Variants in SORCS2 observed in about 807,000 individuals in gnomAD.
The protein encoded by SORCS2 is sortilin related VPS10 domain containing receptor 2, also known as VPS10 domain-containing receptor SorCS2.
SORCS2 carries 100 observed loss-of-function variants against 141.6 expected under a neutral mutation model. That is an observed-to-expected ratio of 0.71 (90% confidence interval 0.60 to 0.83). The LOEUF (loss-of-function observed/expected upper bound fraction) is 0.83, where lower values mean the gene tolerates loss of function less well. SORCS2 is among the 40% of genes least tolerant of loss of function. The pLI is 0.00. For synonymous variants in SORCS2, 789 were observed against 676.9 expected, an observed-to-expected ratio of 1.17 and a Z score of -2.57; for missense variants, 1,646 against 1,560.2, an observed-to-expected ratio of 1.05 and a Z score of -0.93.
intron 1 of SORCS2, among the ~76,000 whole-genome samples, chr4:7,302,029 T>C (rs575671424): frequency 6.6e-6 from 1 of 152,322 alleles, no homozygotes; most frequent in South Asian, 2.1e-4. Context: ...TCCCACCTGG[T>C]TGGGCAGTGG....
At chr4:7,263,210 C>T (rs967659516) in intron 1 of SORCS2, among the ~76,000 whole-genome samples, 19 of 152,168 alleles carry the variant, frequency 1.2e-4, no homozygotes, top group East Asian at 3.9e-4. Flanking sequence ...CAATAAATGA[C>T]GGTTGTATTA....
At chr4:7,198,649 G>A (rs1395993474) in intron 1 of SORCS2, among the ~76,000 whole-genome samples, 1 of 152,180 alleles carries the variant, frequency 6.6e-6, no homozygotes, top group East Asian at 1.9e-4. Flanking sequence ...CCTGGAGAGA[G>A]ACAGAAGCAG....
intron 1 of SORCS2, among the ~76,000 whole-genome samples, chr4:7,281,890 G>A (rs12647543): frequency 0.031 from 4,755 of 152,256 alleles, 258 homozygotes; most frequent in East Asian, 0.23. Context: ...CCGAGGGACC[G>A]CATTTTCCAG....
At chr4:7,724,403 A>T (rs957729925) in intron 19 of SORCS2, among the ~76,000 whole-genome samples, 1 of 123,950 alleles carries the variant, frequency 8.1e-6, no homozygotes, top group African/African-American at 3.5e-5. Flanking sequence ...TGATGGTGAT[A>T]GTAGTGGTGG....
At chr4:7,683,034 A>C in intron 10 of SORCS2, 145 bp downstream of exon 10, 2 of 1,089,050 alleles carry the variant, frequency 1.8e-6, no homozygotes, top group Non-Finnish European at 2.6e-6. Context: ...TGTGGTAGAG[A>C]GGGTCAAATG....
intron 2 of SORCS2, among the ~76,000 whole-genome samples, chr4:7,500,651 C>T (rs574843101): frequency 8.0e-6 from 1 of 125,390 alleles, no homozygotes; most frequent in Admixed American, 7.3e-5. Flanking sequence ...GAAATAACCA[C>T]AGAGAGCACC....
chr4:7,670,880 C>G (rs1389482835), intron 8 of SORCS2, among the ~76,000 whole-genome samples: 1 of 152,208 alleles, frequency 6.6e-6, no homozygotes, highest in Non-Finnish European at 1.5e-5. Context: ...TGATTACTGA[C>G]TGCTTCTGAT....
chr4:7,433,488 C>G (rs1057251961), intron 2 of SORCS2: 2 of 1,592,484 alleles, frequency 1.3e-6, no homozygotes, highest in Admixed American at 1.7e-5. Context: ...CCCCCACCTT[C>G]TTGCACACAG....
At chr4:7,503,019 T>G (rs1732066747) in intron 2 of SORCS2, among the ~76,000 whole-genome samples, 1 of 152,236 alleles carries the variant, frequency 6.6e-6, no homozygotes, top group Non-Finnish European at 1.5e-5. Context: ...GTTTTAAAAT[T>G]AACCAGCCGA....
chr4:7,738,693 C>T (rs1371780706), intron 26 of SORCS2, among the ~76,000 whole-genome samples: 1 of 152,124 alleles, frequency 6.6e-6, no homozygotes, highest in Admixed American at 6.5e-5. Context: ...CCGGGACATC[C>T]TCAGAACGTG....
At chr4:7,622,639 G>C (rs1312339903) in intron 3 of SORCS2, among the ~76,000 whole-genome samples, 1 of 152,130 alleles carries the variant, frequency 6.6e-6, no homozygotes, top group East Asian at 1.9e-4. Flanking sequence ...TCTGTCATGA[G>C]TGCTCTGGCA....
At chr4:7,200,417 C>G (rs779301463) in intron 1 of SORCS2, among the ~76,000 whole-genome samples, 1 of 152,202 alleles carries the variant, frequency 6.6e-6, no homozygotes, top group South Asian at 2.1e-4. Flanking sequence ...CCCTTCCCAT[C>G]ATGCTGGCCA....
At chr4:7,441,590 G>A (rs1021462610) in intron 2 of SORCS2, among the ~76,000 whole-genome samples, 1 of 151,854 alleles carries the variant, frequency 6.6e-6, no homozygotes, top group Non-Finnish European at 1.5e-5. Flanking sequence ...GTAGAGCCTG[G>A]GAGCTACCCA....
chr4:7,289,154 C>T (rs1248816798), intron 1 of SORCS2, among the ~76,000 whole-genome samples: 3 of 152,180 alleles, frequency 2.0e-5, no homozygotes, highest in African/African-American at 2.4e-5. Flanking sequence ...AGCCCAGATA[C>T]AGTTGAGGAA....
chr4:7,538,606 C>T (rs1712323451), intron 3 of SORCS2, among the ~76,000 whole-genome samples: 1 of 152,098 alleles, frequency 6.6e-6, no homozygotes, highest in South Asian at 2.1e-4. Flanking sequence ...CACACACACA[C>T]ACACATTTTC....
intron 2 of SORCS2, 91 bp from the exon 3 acceptor site, chr4:7,531,439 C>A: frequency 1.6e-6 from 2 of 1,260,872 alleles, no homozygotes; most frequent in Non-Finnish European, 2.3e-6. Flanking sequence ...TCGGCCCGCA[C>A]GGGCACAGGG....
At chr4:7,224,339 G>C (rs1351110884) in intron 1 of SORCS2, among the ~76,000 whole-genome samples, 1 of 152,248 alleles carries the variant, frequency 6.6e-6, no homozygotes, top group Non-Finnish European at 1.5e-5. Flanking sequence ...CAAACAGGGA[G>C]GTGGAGTGGC....
At chr4:7,555,636 G>A (rs1316574684) in intron 3 of SORCS2, among the ~76,000 whole-genome samples, 1 of 152,192 alleles carries the variant, frequency 6.6e-6, no homozygotes, top group Non-Finnish European at 1.5e-5. Context: ...AACTGACGTT[G>A]ATTTAAAAAA....
At chr4:7,322,006 G>GA (rs1190664373) in intron 1 of SORCS2, among the ~76,000 whole-genome samples, 1 of 152,214 alleles carries the variant, frequency 6.6e-6, no homozygotes. Flanking sequence ...GGGGCTGGTT[G>GA]ACTTGGTCCT....
Sources: allele counts gnomAD v4.1 joint callset (sites outside exome capture counted in the v4.1 genomes callset), GRCh38; gene constraint gnomAD v4.1.1; transcripts MANE v1.5; gene names NCBI Gene and HGNC (gene_info 2026-07-23, HGNC 2026-07-21).